ESRRG: variants seen among roughly 807,000 people sequenced by gnomAD.
The protein encoded by ESRRG is estrogen-related receptor gamma.
In ESRRG, 13 loss-of-function variants were observed where a neutral mutation model predicts 44.0. The observed-to-expected ratio is 0.30, with a 90% CI of 0.19 to 0.47. The LOEUF is 0.47. ESRRG is among the 20% of genes least tolerant of loss of function. ESRRG has a pLI of 1.00. For synonymous variants in ESRRG, 215 were observed against 214.6 expected, an observed-to-expected ratio of 1.00 and a Z score of -0.02; for missense variants, 395 against 580.6, an observed-to-expected ratio of 0.68 and a Z score of 3.29.
chr1:216,517,130 T>C (rs989180324), intron 6 of ESRRG, among the ~76,000 whole-genome samples: 1 of 151,778 alleles, frequency 6.6e-6, no homozygotes, highest in Non-Finnish European at 1.5e-5. Flanking sequence ...GGACAGAGAC[T>C]TTTTTTTAGA....
chr1:216,660,229 G>C (rs954783447), intron 2 of ESRRG, among the ~76,000 whole-genome samples: 1 of 152,104 alleles, frequency 6.6e-6, no homozygotes, highest in Non-Finnish European at 1.5e-5. Context: ...ATAAGAATAT[G>C]GGCTAGTTAA....
chr1:216,503,781 A>G lies in ESRRG; in HGVS notation c.*3158T>C, dbSNP rs1171015996. On this transcript the variant is annotated 3_prime_UTR_variant, in exon 7 of 7. Transcript: ENST00000408911. ...AAATACAACAATCTGATCTGATTGA[A>G]ACACAAGTGTAACTACAAGGAGTCA... 6.6e-6 allele frequency: 1 copy of G among 152,574 alleles called. No individual in the cohort carries two copies. The highest frequency in any genetic ancestry group is 1.5e-5 in the Non-Finnish European group (1 of 67,990). 9.5% of individuals were successfully genotyped at this position (152,574 alleles called of 1,614,324 possible). A position where few individuals can be genotyped will look rare whatever the true frequency, so the allele number is the denominator to read the frequency against.
chr1:216,641,781 A>G (rs1299424611), intron 3 of ESRRG, among the ~76,000 whole-genome samples: 1 of 152,254 alleles, frequency 6.6e-6, no homozygotes, highest in Non-Finnish European at 1.5e-5. Context: ...GTTATTCCAA[A>G]GTTTATGTTG....
At chr1:216,666,836 A>C (rs996800562) in intron 2 of ESRRG, among the ~76,000 whole-genome samples, 1 of 152,230 alleles carries the variant, frequency 6.6e-6, no homozygotes, top group African/African-American at 2.4e-5. Flanking sequence ...TTAGACTGGA[A>C]CATAAAAACA....
intron 1 of ESRRG, among the ~76,000 whole-genome samples, chr1:216,689,725 A>G (rs1015310658): frequency 6.6e-6 from 1 of 152,170 alleles, no homozygotes; most frequent in Non-Finnish European, 1.5e-5. Context: ...ATGCCTACAC[A>G]CACAAACATA....
chr1:217,068,682 G>A (rs139986700), intron 1 of ESRRG, among the ~76,000 whole-genome samples: 3 of 152,164 alleles, frequency 2.0e-5, no homozygotes, highest in East Asian at 1.9e-4. Flanking sequence ...GAAGGGAGTC[G>A]TTTTGCATGT....
At chr1:216,735,446 G>T (rs780627919) in intron 2 of ESRRG, among the ~76,000 whole-genome samples, 3 of 151,274 alleles carry the variant, frequency 2.0e-5, no homozygotes, top group African/African-American at 4.9e-5. Context: ...GGCCTCAAGG[G>T]ATCCTCCAGC....
At chr1:217,086,572 G>A (rs920229741) in intron 1 of ESRRG, among the ~76,000 whole-genome samples, 1 of 152,206 alleles carries the variant, frequency 6.6e-6, no homozygotes, top group Admixed American at 6.5e-5. Flanking sequence ...AGAGTAGTAA[G>A]CTTAGTTTAC....
At chr1:216,851,844 A>G (rs2095847670) in intron 2 of ESRRG, among the ~76,000 whole-genome samples, 1 of 152,206 alleles carries the variant, frequency 6.6e-6, no homozygotes, top group African/African-American at 2.4e-5. Context: ...AACAAATATT[A>G]GGAAACTGGT....
chr1:216,908,810 G>T (rs2059974133), intron 2 of ESRRG, among the ~76,000 whole-genome samples: 1 of 145,654 alleles, frequency 6.9e-6, no homozygotes, highest in Non-Finnish European at 1.5e-5. Context: ...AAGGCAATGT[G>T]CCGTAGGGTA....
At chr1:216,873,465 G>T (rs35047714) in intron 2 of ESRRG, among the ~76,000 whole-genome samples, 1 of 151,876 alleles carries the variant, frequency 6.6e-6, no homozygotes, top group African/African-American at 2.4e-5. Context: ...ACCTGCCTCA[G>T]TCCCCATCAA....
chr1:216,793,276 A>T (rs2094376868), intron 2 of ESRRG, among the ~76,000 whole-genome samples: 1 of 152,110 alleles, frequency 6.6e-6, no homozygotes, highest in Admixed American at 6.6e-5. Flanking sequence ...GTATTTATAT[A>T]TTTGCATAGG....
intron 1 of ESRRG, among the ~76,000 whole-genome samples, chr1:217,107,338 T>C (rs1350465029): frequency 6.6e-6 from 1 of 152,244 alleles, no homozygotes; most frequent in African/African-American, 2.4e-5. Flanking sequence ...CTCACATTAA[T>C]TTTTATTACT....
intron 2 of ESRRG, among the ~76,000 whole-genome samples, chr1:216,765,919 C>T (rs1232908451): frequency 6.6e-6 from 1 of 152,094 alleles, no homozygotes. Context: ...TATTACGGAT[C>T]CCTGGTTCTT....
At chr1:217,127,889 A>G (rs752306058) in intron 1 of ESRRG, among the ~76,000 whole-genome samples, 1 of 152,230 alleles carries the variant, frequency 6.6e-6, no homozygotes, top group Non-Finnish European at 1.5e-5. Context: ...CATATGTAGA[A>G]AACATTTTCA....
intron 1 of ESRRG, among the ~76,000 whole-genome samples, chr1:216,705,630 C>T (rs1290468651): frequency 1.3e-5 from 2 of 152,194 alleles, no homozygotes; most frequent in Non-Finnish European, 2.9e-5. Flanking sequence ...ACATCTAAAT[C>T]TATATGCAAA....
chr1:217,053,053 C>A (rs2086343679), intron 1 of ESRRG, among the ~76,000 whole-genome samples: 1 of 150,560 alleles, frequency 6.6e-6, no homozygotes, highest in South Asian at 2.1e-4. Context: ...CCTGTAATCC[C>A]AGCTGGGAGG....
At chr1:217,085,325 A>G (rs1302686359) in intron 1 of ESRRG, among the ~76,000 whole-genome samples, 5 of 152,082 alleles carry the variant, frequency 3.3e-5, no homozygotes, top group Admixed American at 2.6e-4. Context: ...ACTTTCTGCA[A>G]TCATCTCTTA....
intron 2 of ESRRG, among the ~76,000 whole-genome samples, chr1:216,871,373 A>G (rs1017370604): frequency 2.0e-5 from 3 of 151,980 alleles, no homozygotes; most frequent in African/African-American, 7.2e-5. Context: ...CATTTTAAAC[A>G]TTGGTTTTAT....
Sources: gnomAD v4.1 joint callset for allele counts (sites outside exome capture counted in the v4.1 genomes callset) on GRCh38, gnomAD v4.1.1 for gene constraint, MANE v1.5 for transcripts, NCBI Gene and HGNC (gene_info 2026-07-23, HGNC 2026-07-21) for gene names.